The following BEST2 variants were observed in gnomAD, a reference collection of about 807,000 sequenced individuals.
The protein encoded by BEST2 is bestrophin-2a.
BEST2 carries 36 observed loss-of-function variants against 49.0 expected under a neutral mutation model. The ratio of observed to expected loss-of-function variants is 0.73; its 90% CI spans 0.56 to 0.97. BEST2 has a LOEUF of 0.97. BEST2 is among the 50% of genes least tolerant of loss of function. The pLI is 0.00. For synonymous variants in BEST2, 335 were observed against 304.4 expected (o/e 1.10, Z -1.05); for missense variants, 672 against 710.0 (o/e 0.95, Z 0.61).
intron 9 of BEST2, among the ~76,000 whole-genome samples, chr19:12,757,395 G>C (rs1313269742): frequency 2.0e-5 from 3 of 152,180 alleles, no homozygotes; most frequent in Non-Finnish European, 4.4e-5. Flanking sequence ...CTGGGCAACA[G>C]AGCGAGACTC....
chr19:12,752,883 C>G, intron 2 of BEST2, 139 bp downstream of exon 2: 1 of 676,486 alleles, frequency 1.5e-6, no homozygotes, highest in Non-Finnish European at 2.0e-6. Context: ...GAGTCTCACT[C>G]TGTCACCCAG....
At chr19:12,754,168 C>T (rs1209789470) in intron 3 of BEST2, among the ~76,000 whole-genome samples, 8 of 149,716 alleles carry the variant, frequency 5.3e-5, no homozygotes, top group Admixed American at 4.7e-4. Context: ...CTCCGCCTCC[C>T]GGGTTCAAGT....
intron 2 of BEST2, 62 bp from the exon 3 acceptor site, chr19:12,753,198 A>G: frequency 2.6e-6 from 4 of 1,553,490 alleles, no homozygotes; most frequent in Non-Finnish European, 3.6e-6. Flanking sequence ...ACAGCAAGAG[A>G]GATCTGAAGC....
chr19:12,757,814 T>G lies in BEST2; in HGVS notation c.1267T>G (p.Cys423Gly). ...GTCCTTTCTACTCCGCAAGAACAGCTGCGTGTCGGAGGCGTCTACTGGGGC... is the reference window on the plus strand; with the variant it reads ...GTCCTTTCTACTCCGCAAGAACAGCGGCGTGTCGGAGGCGTCTACTGGGGC... Reference protein sequence around the residue: ...RLSFLLRKNSCVSEASTGASC... With the variant: ...RLSFLLRKNSGVSEASTGASC... The change falls in exon 10 of 10, where the codon TGC becomes GGC. Residue 423 changes from cysteine (C) to glycine (G), a missense_variant. Cys to Gly is a radical substitution (Grantham distance 159, BLOSUM62 -3). Transcript: ENST00000553030. 2 of 1,548,994 alleles carry G rather than the reference T, an allele frequency of 1.3e-6. No homozygotes were observed. Among genetic ancestry groups the G allele is most frequent in the Admixed American group, 2.0e-5 (1 of 50,988 alleles).
At position 12,758,003 on chromosome 19, in the gene BEST2, A is replaced by G. The variant is rs1431217009; in HGVS notation, c.1456A>G (p.Met486Val). Residue 486 changes from methionine (M) to valine (V), a missense_variant, in exon 10 of 10, where the codon ATG becomes GTG. This residue lies in a region of BEST2 where 291 missense variants were observed against 279.8 expected (regional missense o/e 1.04). Transcript: ENST00000553030. Reference protein sequence around the residue: ...GPVEPFSIVTMPGPRGPAPPW... With the variant: ...GPVEPFSIVTVPGPRGPAPPW... ...TGTCGAGCCCTTCAGCATCGTGACC[A>G]TGCCCGGGCCCCGGGGTCCGGCGCC... 5 of 1,612,566 alleles carry G rather than the reference A, an allele frequency of 3.1e-6. No individual in the cohort carries two copies. Among genetic ancestry groups the G allele is most frequent in the East Asian group, 4.5e-5 (2 of 44,874 alleles).
chr19:12,758,006 C>A lies in BEST2; in HGVS notation c.1459C>A (p.Pro487Thr). The A allele has an allele frequency of 6.2e-7, 1 of 1,612,696 alleles. No homozygotes were observed. The highest frequency in any genetic ancestry group is 8.5e-7 in the Non-Finnish European group (1 of 1,179,850). Residue 487 changes from proline (P) to threonine (T), a missense_variant, in exon 10 of 10, where the codon CCC (proline) becomes ACC (threonine). Pro to Thr is a conservative substitution (Grantham distance 38). Coordinates refer to ENST00000553030, the MANE Select transcript of BEST2 (RefSeq NM_017682.3). ...CGAGCCCTTCAGCATCGTGACCATG[C>A]CCGGGCCCCGGGGTCCGGCGCCACC... is the stretch of plus-strand genomic sequence containing the variant. ...PVEPFSIVTM[P>T]GPRGPAPPWL... is the part of the protein sequence containing the mutation.
chr19:12,752,523 T>G lies in BEST2; in HGVS notation c.-51-19T>G. Reference sequence around the variant, plus strand: ...CCCTGTGCTCAGTTATCCCCGCACCTCTCCACCCACACCCGCAGCCCCCAC... The same window carrying G: ...CCCTGTGCTCAGTTATCCCCGCACCGCTCCACCCACACCCGCAGCCCCCAC... On this transcript the variant is annotated intron_variant, in intron 1 of 9. Transcript: ENST00000553030. The G allele has an allele frequency of 6.6e-7, 1 of 1,516,872 alleles. No individual in the cohort carries two copies. The highest frequency in any genetic ancestry group is 9.0e-7 in the Non-Finnish European group (1 of 1,105,182). The allele number at this position is 1,516,872 out of a possible 1,614,324, so 94.0% of individuals were successfully genotyped here.
rs1348052420 is a variant in BEST2, at chr19:12,754,920, C to T, written c.525C>T (p.Asn175=). The T allele has an allele frequency of 4.3e-6, 7 of 1,613,910 alleles. No individual in the cohort carries two copies. The highest frequency in any genetic ancestry group is 1.7e-4 in the Middle Eastern group (1 of 6,060). Reference sequence around the variant, plus strand: ...AGCGCAAGAAGTTTGAAAACCTGAACTCATCCTACAACAAGTACTGGGTGC... The same window carrying T: ...AGCGCAAGAAGTTTGAAAACCTGAATTCATCCTACAACAAGTACTGGGTGC... ...REERKKFENL[N]SSYNKYWVPC... Residue 175 remains asparagine, a synonymous_variant, in exon 5 of 10, where the codon AAC becomes AAT. Coordinates refer to ENST00000553030, the MANE Select transcript of BEST2 (RefSeq NM_017682.3).
rs780712688 is a variant in BEST2, at chr19:12,755,861, G to A, written c.874G>A (p.Glu292Lys). The A allele has an allele frequency of 3.7e-6, 6 of 1,614,074 alleles. No individual in the cohort carries two copies. Among genetic ancestry groups the A allele is most frequent in the South Asian group, 3.3e-5 (3 of 91,090 alleles). Residue 292 changes from glutamate (E) to lysine (K), a missense_variant, in exon 8 of 10, where the codon GAG becomes AAG. Glu to Lys is a moderately conservative substitution (Grantham distance 56). Coordinates refer to ENST00000553030, the MANE Select transcript of BEST2 (RefSeq NM_017682.3). This position sits in a 1 kb window ranked among gnomAD's most constrained non-coding sequence, Gnocchi z 4.4. ...FFYAGWLKVA[E>K]QLINPFGEDD... The stretch of plus-strand genomic sequence containing the variant: ...CTGCTCCCTCTCCTCTCAGGTAGCT[G>A]AGCAGCTCATCAACCCCTTCGGAGA...
In BEST2 at chr19:12,754,665, G is replaced by T. The variant is rs751592629; in HGVS notation, c.361G>T (p.Gly121Cys). 6.4e-7 allele frequency: 1 copy of T among 1,563,866 alleles called. No individual in the cohort carries two copies. The highest frequency in any genetic ancestry group is 2.4e-5 in the East Asian group (1 of 41,892). The part of the protein sequence containing the change: ...AGTVHGRDDR[G>C]RLYRRTLMRY... ...CACCGTGCACGGACGCGACGACCGC[G>T]GCCGCCTCTACCGGCGCACACTCAT... The change falls in exon 4 of 10, where the codon GGC becomes TGC. Residue 121 changes from glycine to cysteine, a missense_variant. This residue lies in a region of BEST2 where 365 missense variants were observed against 390.9 expected (regional missense o/e 0.93). Transcript: ENST00000553030.
chr19:12,755,081 C>A lies in BEST2; in HGVS notation c.636+50C>A, dbSNP rs759166340. ...ATATAGAATACCAGGGAAATTGTACCCCTGGAGCTGTGTCAACGGCGGCCC... is the reference window on the plus strand; with the variant it reads ...ATATAGAATACCAGGGAAATTGTACACCTGGAGCTGTGTCAACGGCGGCCC... On this transcript the variant is annotated intron_variant, in intron 5 of 9. Coordinates refer to ENST00000553030, the MANE Select transcript of BEST2 (RefSeq NM_017682.3). The surrounding 1 kb of genome is among the most constrained non-coding windows in gnomAD (Gnocchi z 4.4). The A allele has an allele frequency of 3.2e-6, 5 of 1,548,926 alleles. No homozygotes were observed. The Admixed American group carries it at 8.5e-5, about 26-fold the overall frequency.
rs1378858516 is a variant in BEST2 at position 12,757,791 on chromosome 19, C to T, written c.1244C>T (p.Ser415Phe). The change falls in exon 10 of 10, where the codon TCC becomes TTC. Residue 415 changes from serine (S) to phenylalanine (F), a missense_variant. Around this residue, in one of 3 missense-constraint regions of BEST2, gnomAD observed 291 missense variants for 279.8 expected, o/e 1.04. Coordinates refer to ENST00000553030, the MANE Select transcript of BEST2 (RefSeq NM_017682.3). ...VAGGPLGRRL[S>F]FLLRKNSCVS... ...GGAGGCCCGCTGGGCCGGCGCCTGT[C>T]CTTTCTACTCCGCAAGAACAGCTGC... The T allele has an allele frequency of 6.5e-7, 1 of 1,547,822 alleles. No homozygotes were observed. The highest frequency in any genetic ancestry group is 8.7e-7 in the Non-Finnish European group (1 of 1,146,476).
Position 12,758,053 on chromosome 19 carries a change from CGAG to C in BEST2, c.1516_1518del (p.Glu506del), listed in dbSNP as rs766863103. The C allele has an allele frequency of 8.1e-6, 13 of 1,612,808 alleles. No individual in the cohort carries two copies. Among genetic ancestry groups the C allele is most frequent in the South Asian group, 4.4e-5 (4 of 90,936 alleles). On this transcript the variant is annotated inframe_deletion, in exon 10 of 10. Coordinates refer to ENST00000553030, the MANE Select transcript of BEST2 (RefSeq NM_017682.3). ...CACCCTGGCTGCCCAGCCCTATTGGCGAGGAGGAGGAGAATCTGGCCTGAGATC... is the reference window on the plus strand; with the variant it reads ...CACCCTGGCTGCCCAGCCCTATTGGCGAGGAGGAGAATCTGGCCTGAGATC...
chr19:12,756,102 G>T, intron 8 of BEST2, 39 bp from the exon 9 acceptor site: 2 of 1,612,894 alleles, frequency 1.2e-6, no homozygotes, highest in South Asian at 2.2e-5. Context: ...CCGGCGGGTT[G>T]CCCTGCCCCC....
intron 9 of BEST2, 97 bp downstream of exon 9, chr19:12,756,392 T>C: frequency 6.8e-7 from 1 of 1,471,630 alleles, no homozygotes; most frequent in Non-Finnish European, 9.3e-7. Context: ...ATTCTGGAGA[T>C]GGGGATAAGA....
Position 12,755,554 on chromosome 19 carries a change from GA to G in BEST2, c.715-60del. 1 of 1,609,418 alleles carries G rather than the reference GA, an allele frequency of 6.2e-7. No individual in the cohort carries two copies. The highest frequency in any genetic ancestry group is 1.3e-5 in the African/African-American group (1 of 74,890). ...AACTAGCTAAGACCCCCATCATAATGATGCCTAATCCTAGCCTTGGACCCCA... is the reference window on the plus strand; with the variant it reads ...AACTAGCTAAGACCCCCATCATAATGTGCCTAATCCTAGCCTTGGACCCCA... On this transcript the variant is annotated intron_variant, in intron 6 of 9. Transcript: ENST00000553030. The surrounding 1 kb of genome is among the most constrained non-coding windows in gnomAD (Gnocchi z 4.4).
At position 12,754,680 on chromosome 19, in the gene BEST2, C is replaced by G. The variant is rs2145704313; in HGVS notation, c.376C>G (p.Arg126Gly). The G allele has an allele frequency of 6.3e-7, 1 of 1,577,786 alleles. No individual in the cohort carries two copies. The highest frequency in any genetic ancestry group is 2.3e-5 in the East Asian group (1 of 42,958). Residue 126 changes from arginine (R) to glycine (G), a missense_variant, in exon 4 of 10, where the codon CGC becomes GGC. By Grantham distance (125) the Arg-to-Gly change is moderately radical. Coordinates refer to ENST00000553030, the MANE Select transcript of BEST2 (RefSeq NM_017682.3). The part of the protein sequence containing the change: ...GRDDRGRLYR[R>G]TLMRYAGLSA... ...CGACGACCGCGGCCGCCTCTACCGGCGCACACTCATGCGCTACGCAGGGCT... is the reference window on the plus strand; with the variant it reads ...CGACGACCGCGGCCGCCTCTACCGGGGCACACTCATGCGCTACGCAGGGCT...
rs752188118 is a variant in BEST2 at position 12,754,610 on chromosome 19, GC to G, written c.309del (p.Asp104ThrfsTer51). The part of the protein sequence containing the change: ...WWSQYLCMPL[P>X]DALMCVVAGT... ...GGAGCCAGTACCTATGCATGCCGCT[GC>G]CCGACGCGCTCATGTGCGTGGTGGC... On this transcript the variant is annotated frameshift_variant, in exon 4 of 10. Coordinates refer to ENST00000553030, the MANE Select transcript of BEST2 (RefSeq NM_017682.3). LOFTEE classifies it high-confidence loss of function. 7 of 1,563,864 alleles carry G rather than the reference GC, an allele frequency of 4.5e-6. No homozygotes were observed. In the South Asian group the frequency reaches 8.1e-5, roughly 18 times the overall value.
In BEST2 at chr19:12,755,384, G is replaced by C; in HGVS notation, c.642G>C (p.Leu214=). Residue 214 remains leucine, a synonymous_variant, in exon 6 of 10, where the codon CTG becomes CTC. Transcript: ENST00000553030. This position sits in a 1 kb window ranked among gnomAD's most constrained non-coding sequence, Gnocchi z 4.4. ...NSALKLLLEE[L]NVFRGKCGML... Reference sequence around the variant, plus strand: ...TGACCTGTATCCACCCCCAGGAGCTGAATGTTTTTCGGGGCAAATGTGGAA... The same window carrying C: ...TGACCTGTATCCACCCCCAGGAGCTCAATGTTTTTCGGGGCAAATGTGGAA... 6.2e-7 allele frequency: 1 copy of C among 1,614,122 alleles called. No individual in the cohort carries two copies. The highest frequency in any genetic ancestry group is 8.5e-7 in the Non-Finnish European group (1 of 1,180,012).
Sources: allele counts gnomAD v4.1 joint callset (sites outside exome capture counted in the v4.1 genomes callset), GRCh38; gene constraint gnomAD v4.1.1; regional missense constraint gnomAD v4.1.1; non-coding constraint Gnocchi (gnomAD v3.1); transcripts MANE v1.5; gene names NCBI Gene and HGNC (gene_info 2026-07-23, HGNC 2026-07-21).